The following PYY variants were observed in gnomAD, a reference collection of about 807,000 sequenced individuals.
PYY encodes the protein peptide YY.
In PYY, 12 loss-of-function variants were observed where a neutral mutation model predicts 10.3. The ratio of observed to expected loss-of-function variants is 1.17; its 90% CI spans 0.75 to 1.89. The LOEUF (loss-of-function observed/expected upper bound fraction) is 1.89. Ranked by LOEUF, PYY falls within the 40% of genes most tolerant of loss-of-function variation. The probability of loss-of-function intolerance (pLI) is 0.00; values close to 1 mark genes in which losing one functional copy is unlikely to be tolerated. For missense variants in PYY, 141 were observed against 134.0 expected, an observed-to-expected ratio of 1.05 and a Z score of -0.26; for synonymous variants, 66 against 62.0, an observed-to-expected ratio of 1.06 and a Z score of -0.30.
chr17:43,998,945 G>A (rs949269181), intron 1 of PYY, among the ~76,000 whole-genome samples: 1 of 152,106 alleles, frequency 6.6e-6, no homozygotes, highest in Non-Finnish European at 1.5e-5. Flanking sequence ...TCAGAAGAAT[G>A]GTCTGGGCTG....
intron 1 of PYY, among the ~76,000 whole-genome samples, chr17:43,977,228 C>T (rs2048855217): frequency 6.6e-6 from 1 of 152,150 alleles, no homozygotes; most frequent in Non-Finnish European, 1.5e-5. Context: ...TTTACCCAGG[C>T]ACTTGTTAGC....
intron 1 of PYY, among the ~76,000 whole-genome samples, chr17:43,984,233 G>A (rs1480191991): frequency 6.6e-6 from 1 of 152,208 alleles, no homozygotes; most frequent in Non-Finnish European, 1.5e-5. Context: ...CCTCTGCGCG[G>A]CCGGGATGTG....
rs1567932344 is a variant in PYY, at chr17:43,976,309, G to GTA, written c.-462-9779_-462-9778dup. On this transcript the variant is annotated intron_variant, in intron 1 of 6. Transcript: ENST00000360085. ...CATATGTATACATGTATACATATAC[G>GTA]TATATACACATATACATGTATACAT... is the stretch of plus-strand genomic sequence containing the variant. 4.8e-5 allele frequency among the ~76,000 whole-genome samples: 7 copies of GTA among 145,004 alleles called. No individual in the cohort carries two copies. The East Asian group carries it at 8.2e-4, about 17-fold the overall frequency.
intron 1 of PYY, among the ~76,000 whole-genome samples, chr17:43,975,397 G>A (rs999994867): frequency 6.6e-6 from 1 of 151,906 alleles, no homozygotes; most frequent in Non-Finnish European, 1.5e-5. Flanking sequence ...TCGTGTCACA[G>A]GCTTCTTTTG....
intron 2 of PYY, among the ~76,000 whole-genome samples, chr17:43,961,982 T>C (rs1597844709): frequency 6.6e-6 from 1 of 152,172 alleles, no homozygotes. Flanking sequence ...CCTGTCACCC[T>C]ACCTCACGCA....
intron 1 of PYY, among the ~76,000 whole-genome samples, chr17:43,971,782 A>T (rs1347383087): frequency 6.6e-6 from 1 of 151,770 alleles, no homozygotes; most frequent in East Asian, 1.9e-4. Context: ...GTGATTTGCA[A>T]CTATTTTCTT....
At chr17:43,983,924 T>C (rs552415007) in intron 1 of PYY, among the ~76,000 whole-genome samples, 2 of 152,326 alleles carry the variant, frequency 1.3e-5, no homozygotes, top group South Asian at 4.1e-4. Flanking sequence ...CGGCTGCTGT[T>C]TGCGCAGCTA....
intron 1 of PYY, among the ~76,000 whole-genome samples, chr17:43,998,610 G>A (rs2049005990): frequency 6.6e-6 from 1 of 152,064 alleles, no homozygotes; most frequent in African/African-American, 2.4e-5. Context: ...TGTTGTCCAG[G>A]CTGCAGTACA....
chr17:43,979,154 A>G (rs2048867414), intron 1 of PYY, among the ~76,000 whole-genome samples: 1 of 152,206 alleles, frequency 6.6e-6, no homozygotes, highest in Non-Finnish European at 1.5e-5. Flanking sequence ...TTGTTCTCAA[A>G]GGGTGATTTC....
chr17:43,991,058 C>T (rs1434997419), intron 1 of PYY, among the ~76,000 whole-genome samples: 1 of 151,550 alleles, frequency 6.6e-6, no homozygotes, highest in Non-Finnish European at 1.5e-5. Context: ...GCTGGGATTA[C>T]AAGCGTGAGC....
rs71361552 is a variant in PYY at position 43,969,515 on chromosome 17, CAAAAAAA to C, written c.-462-2990_-462-2984del. Among the ~76,000 whole-genome samples, 5 of 90,466 alleles carry C rather than the reference CAAAAAAA, an allele frequency of 5.5e-5. 1 individual carries two copies. Among genetic ancestry groups the C allele is most frequent in the African/African-American group, 1.2e-4 (3 of 24,534 alleles). 59.3% of individuals were successfully genotyped at this position (90,466 alleles called of 152,430 possible). A position where few individuals can be genotyped will look rare whatever the true frequency, so the allele number is the denominator to read the frequency against. The stretch of plus-strand genomic sequence containing the variant: ...TGGGTGATAGAGCAAGACTCTGTCT[CAAAAAAA>C]AAAAAAAAAAAAGCAAATGCTCATA... On this transcript the variant is annotated intron_variant, in intron 1 of 6. Coordinates refer to the PYY transcript ENST00000360085.
At chr17:43,989,122 C>T (rs1423239794) in intron 1 of PYY, among the ~76,000 whole-genome samples, 2 of 151,704 alleles carry the variant, frequency 1.3e-5, no homozygotes, top group Non-Finnish European at 2.9e-5. Context: ...CGCCTGTAAT[C>T]CCAAGACTTC....
rs2048648549 is a variant in PYY, at chr17:43,953,437, A to G, written c.47T>C (p.Leu16Pro). The stretch of plus-strand genomic sequence containing the variant: ...CGCCCCTAGGCAGACGAGCAGGGCC[A>G]GAAGCACTGTGGTCAAGGCGGGCCA... ...RPWPALTTVL[L>P]ALLVCLGALV... The change falls in exon 2 of 4, where the codon CTG becomes CCG. Residue 16 changes from leucine to proline, a missense_variant. Leu to Pro is a moderately conservative substitution (Grantham distance 98). Transcript: ENST00000692052. 3.1e-6 allele frequency: 5 copies of G among 1,612,394 alleles called. No homozygotes were observed. Among genetic ancestry groups the G allele is most frequent in the Non-Finnish European group, 4.2e-6 (5 of 1,179,316 alleles).
chr17:43,981,087 C>T (rs1432101121), intron 1 of PYY, among the ~76,000 whole-genome samples: 2 of 150,186 alleles, frequency 1.3e-5, no homozygotes, highest in Non-Finnish European at 3.0e-5. Flanking sequence ...CCAGGCTGGT[C>T]TCAGACTCCT....
At chr17:43,986,270 A>C (rs932602515) in intron 1 of PYY, among the ~76,000 whole-genome samples, 3 of 152,212 alleles carry the variant, frequency 2.0e-5, no homozygotes, top group Non-Finnish European at 2.9e-5. Flanking sequence ...TCTCAAAAAA[A>C]AAGAAAAGAA....
chr17:43,977,407 C>T (rs950097813), intron 1 of PYY, among the ~76,000 whole-genome samples: 1 of 152,126 alleles, frequency 6.6e-6, no homozygotes, highest in African/African-American at 2.4e-5. Context: ...AAGTCAGTGA[C>T]CTGGAAACTA....
intron 1 of PYY, among the ~76,000 whole-genome samples, chr17:43,990,210 G>A (rs920520783): frequency 1.3e-5 from 2 of 151,714 alleles, no homozygotes; most frequent in Non-Finnish European, 2.9e-5. Context: ...GGCTGAGGCG[G>A]GCAGATCACT....
At chr17:43,992,958 T>C (rs2048967623) in intron 1 of PYY, among the ~76,000 whole-genome samples, 1 of 152,320 alleles carries the variant, frequency 6.6e-6, no homozygotes, top group Admixed American at 6.5e-5. Context: ...TTCTGTTGTT[T>C]AAGCCACCAA....
At chr17:44,000,810 C>T (rs2049021334) in intron 1 of PYY, among the ~76,000 whole-genome samples, 1 of 152,058 alleles carries the variant, frequency 6.6e-6, no homozygotes, top group Non-Finnish European at 1.5e-5. Context: ...CCGCCTCAGC[C>T]TCCCAAAGTG....
Sources: gnomAD v4.1 joint callset for allele counts (sites outside exome capture counted in the v4.1 genomes callset) on GRCh38, gnomAD v4.1.1 for gene constraint, MANE v1.5 for transcripts, NCBI Gene and HGNC (gene_info 2026-07-23, HGNC 2026-07-21) for gene names.